PRKG1: variants seen among roughly 807,000 people sequenced by gnomAD.
The protein encoded by PRKG1 is protein kinase cGMP-dependent 1.
PRKG1 carries 35 observed loss-of-function variants against 88.1 expected under a neutral mutation model. The ratio of observed to expected loss-of-function variants is 0.40; its 90% CI spans 0.30 to 0.53. PRKG1 has a LOEUF of 0.53. Among genes scored for constraint, PRKG1 ranks in the 20% least tolerant of loss-of-function variants. The pLI, the probability that PRKG1 is intolerant of heterozygous loss-of-function variation, is 0.59. For missense variants in PRKG1, 540 were observed against 839.8 expected (o/e 0.64, Z 4.41); for synonymous variants, 303 against 292.5 (o/e 1.04, Z -0.37).
At position 51,788,086 on chromosome 10, in the gene PRKG1, T is replaced by C. The variant is rs112014948; in HGVS notation, c.593-16499T>C. On this transcript the variant is annotated intron_variant, in intron 3 of 17. Transcript: ENST00000373980. ...TTGTGTGGAGAGAATGCTCAATGCATGAAAAAGGAGTATGTTTAGTGTGTT... is the reference window on the plus strand; with the variant it reads ...TTGTGTGGAGAGAATGCTCAATGCACGAAAAAGGAGTATGTTTAGTGTGTT... Among the ~76,000 whole-genome samples, 373 of 152,268 alleles carry C rather than the reference T, an allele frequency of 2.4e-3. 4 individuals are homozygous for C. Among genetic ancestry groups the C allele is most frequent in the African/African-American group, 8.7e-3 (361 of 41,576 alleles).
chr10:51,813,626 C>T (rs916955836), intron 4 of PRKG1, among the ~76,000 whole-genome samples: 12 of 152,094 alleles, frequency 7.9e-5, no homozygotes, highest in African/African-American at 2.9e-4. Flanking sequence ...AGGGTAGAGC[C>T]AGTGTCTATA....
chr10:52,131,147 G>C (rs752807107), intron 7 of PRKG1, among the ~76,000 whole-genome samples: 1 of 152,124 alleles, frequency 6.6e-6, no homozygotes, highest in Non-Finnish European at 1.5e-5. Flanking sequence ...CCAGGGTTCA[G>C]AAGTATGATG....
At position 51,665,436 on chromosome 10, in the gene PRKG1, A is replaced by G. The variant is rs116365686; in HGVS notation, c.593-139149A>G. Among the ~76,000 whole-genome samples, 810 of 152,238 alleles carry G rather than the reference A, an allele frequency of 5.3e-3. 6 individuals are homozygous for G. The highest frequency in any genetic ancestry group is 0.019 in the African/African-American group (776 of 41,552). On this transcript the variant is annotated intron_variant, in intron 3 of 17. Coordinates refer to ENST00000373980, the MANE Select transcript of PRKG1 (RefSeq NM_006258.4). ...TATATATGGCCATATTATTTTGCCT[A>G]GTTATCTGAATCTTGATTTTAAGAC...
At chr10:51,164,515 C>T (rs1368990899) in intron 2 of PRKG1, among the ~76,000 whole-genome samples, 1 of 151,790 alleles carries the variant, frequency 6.6e-6, no homozygotes, top group Admixed American at 6.6e-5. Context: ...AGGAACGCAG[C>T]TCCTCACCAG....
At chr10:51,168,240 A>G (rs981260280) in intron 2 of PRKG1, among the ~76,000 whole-genome samples, 1 of 152,082 alleles carries the variant, frequency 6.6e-6, no homozygotes, top group Non-Finnish European at 1.5e-5. Context: ...AGTAGTATAC[A>G]GTGAAGTTTT....
intron 1 of PRKG1, among the ~76,000 whole-genome samples, chr10:51,110,846 A>T (rs2879545): frequency 0.085 from 12,975 of 152,130 alleles, 1,789 homozygotes; most frequent in African/African-American, 0.29. Flanking sequence ...TTAAAAGATG[A>T]GAGTAGCAGC....
intron 4 of PRKG1, among the ~76,000 whole-genome samples, chr10:51,880,602 C>CTG (rs1841412669): frequency 6.6e-6 from 1 of 152,118 alleles, no homozygotes; most frequent in Non-Finnish European, 1.5e-5. Context: ...TATAAAAGTC[C>CTG]TGTATTGGTT....
At chr10:51,399,274 G>C (rs964500942) in intron 2 of PRKG1, among the ~76,000 whole-genome samples, 1 of 151,990 alleles carries the variant, frequency 6.6e-6, no homozygotes, top group Non-Finnish European at 1.5e-5. Context: ...ATGATACATA[G>C]CATGCCGTGT....
intron 3 of PRKG1, among the ~76,000 whole-genome samples, chr10:51,486,731 T>C (rs1840552530): frequency 1.3e-5 from 2 of 152,208 alleles, no homozygotes; most frequent in Admixed American, 1.3e-4. Flanking sequence ...GCTTTCTTAG[T>C]ATACTTTACC....
intron 6 of PRKG1, among the ~76,000 whole-genome samples, chr10:52,056,273 G>A (rs963945554): frequency 1.2e-4 from 18 of 152,036 alleles, no homozygotes; most frequent in African/African-American, 4.3e-4. Flanking sequence ...ATTGAAAATC[G>A]CCATGGATGT....
intron 1 of PRKG1, among the ~76,000 whole-genome samples, chr10:51,034,668 TTATATATATATATATATA>T (rs1554831108): frequency 4.4e-5 from 3 of 68,188 alleles, no homozygotes; most frequent in East Asian, 1.0e-3. Flanking sequence ...AATATGTTAT[TTATATATATATATATATA>T]TATATATATA....
At position 51,226,417 on chromosome 10, in the gene PRKG1, T is replaced by G. The variant is rs565929871; in HGVS notation, c.478+73087T>G. On this transcript the variant is annotated intron_variant, in intron 2 of 17. Transcript: ENST00000373980. ...AAAGTCATGGATGTTGTGTATCTGGTTTTTAGCAAGATGTGCATCAGTGTT... is the reference window on the plus strand; with the variant it reads ...AAAGTCATGGATGTTGTGTATCTGGGTTTTAGCAAGATGTGCATCAGTGTT... 1.8e-4 allele frequency among the ~76,000 whole-genome samples: 27 copies of G among 152,232 alleles called. No homozygotes were observed. In the East Asian group the frequency reaches 5.0e-3, roughly 28 times the overall value.
chr10:51,055,392 T>G (rs1404284091), intron 1 of PRKG1, among the ~76,000 whole-genome samples: 1 of 152,202 alleles, frequency 6.6e-6, no homozygotes, highest in Non-Finnish European at 1.5e-5. Flanking sequence ...CATGTACCAT[T>G]GTAGATTCTT....
At chr10:51,025,347 C>A (rs1190349424) in intron 1 of PRKG1, among the ~76,000 whole-genome samples, 2 of 152,166 alleles carry the variant, frequency 1.3e-5, no homozygotes, top group African/African-American at 4.8e-5. Flanking sequence ...TGTACTCAAT[C>A]ACTGCTTTAT....
chr10:51,861,709 A>G (rs1840877767), intron 4 of PRKG1, among the ~76,000 whole-genome samples: 1 of 152,216 alleles, frequency 6.6e-6, no homozygotes, highest in Admixed American at 6.5e-5. Context: ...TTGTTTATGA[A>G]AACTATAGTG....
chr10:51,871,926 T>C (rs1589376635), intron 4 of PRKG1, among the ~76,000 whole-genome samples: 1 of 152,214 alleles, frequency 6.6e-6, no homozygotes, highest in Non-Finnish European at 1.5e-5. Context: ...AAATACAAAA[T>C]ATCACAACAA....
intron 4 of PRKG1, among the ~76,000 whole-genome samples, chr10:51,883,535 T>C (rs1294421656): frequency 1.3e-5 from 2 of 152,252 alleles, no homozygotes; most frequent in African/African-American, 4.8e-5. Context: ...GATTTACCCA[T>C]AGGTTAAGAA....
chr10:51,865,608 A>T (rs1034099505), intron 4 of PRKG1, among the ~76,000 whole-genome samples: 3 of 152,082 alleles, frequency 2.0e-5, no homozygotes, highest in Non-Finnish European at 4.4e-5. Context: ...TTGCTGAAAG[A>T]TCTTTTCAAT....
At chr10:51,156,111 T>C (rs770761470) in intron 2 of PRKG1, among the ~76,000 whole-genome samples, 22 of 151,988 alleles carry the variant, frequency 1.4e-4, no homozygotes, top group Non-Finnish European at 2.9e-4. Flanking sequence ...GCAAATTTAC[T>C]AACCCTTTCC....
Sources: allele counts gnomAD v4.1 joint callset (sites outside exome capture counted in the v4.1 genomes callset), GRCh38; gene constraint gnomAD v4.1.1; transcripts MANE v1.5; gene names NCBI Gene and HGNC (gene_info 2026-07-23, HGNC 2026-07-21).